Variants in PRICKLE2 observed in about 807,000 individuals in gnomAD.
The protein encoded by PRICKLE2 is prickle planar cell polarity protein 2.
In PRICKLE2, 21 loss-of-function variants were observed where a neutral mutation model predicts 81.4. The ratio of observed to expected loss-of-function variants is 0.26; its 90% CI spans 0.18 to 0.37. The LOEUF is 0.37. Ranked by LOEUF, PRICKLE2 falls within the 10% of genes least tolerant of loss-of-function variation. The probability of loss-of-function intolerance (pLI) is 1.00; values close to 1 mark genes in which losing one functional copy is unlikely to be tolerated. For missense variants in PRICKLE2, 940 were observed against 1,109.0 expected (o/e 0.85, Z 2.16); for synonymous variants, 456 against 421.5 (o/e 1.08, Z -1.00).
At chr3:64,190,462 C>G (rs1239904003) in intron 2 of PRICKLE2, 1 of 152,130 alleles carries the variant, frequency 6.6e-6, no homozygotes, top group Non-Finnish European at 1.5e-5. Context: ...TGTCTTTACT[C>G]TTCACATAAC....
intron 2 of PRICKLE2, among the ~76,000 whole-genome samples, chr3:64,171,280 A>AC (rs1456300705): frequency 6.6e-6 from 1 of 152,002 alleles, no homozygotes; most frequent in Non-Finnish European, 1.5e-5. Context: ...GGGCAATAAT[A>AC]CCCCCCAAGA....
intron 1 of PRICKLE2, among the ~76,000 whole-genome samples, chr3:64,210,715 G>A (rs1207596676): frequency 1.3e-5 from 2 of 152,318 alleles, no homozygotes; most frequent in South Asian, 2.1e-4. Context: ...TAACTTTTGA[G>A]CAGTGGAAAT....
At position 64,224,898 on chromosome 3, in the gene PRICKLE2, T is replaced by C. The variant is rs980627386; in HGVS notation, c.-41+12A>G. The stretch of plus-strand genomic sequence containing the variant: ...TGTTTAATTTGTGAATTAGAGCAAA[T>C]TTCTTACCCACCTCCAGGGAGGATG... On this transcript the variant is annotated intron_variant, in intron 1 of 7. Coordinates refer to ENST00000638394, the MANE Select transcript of PRICKLE2 (RefSeq NM_198859.4). 1 of 984,818 alleles carries C rather than the reference T, an allele frequency of 1.0e-6. No individual in the cohort carries two copies. The highest frequency in any genetic ancestry group is 1.8e-5 in the African/African-American group (1 of 57,114). 61.0% of individuals were successfully genotyped at this position (984,818 alleles called of 1,614,324 possible).
upstream of PRICKLE2, among the ~76,000 whole-genome samples, chr3:64,227,723 G>T (rs190884095): frequency 1.3e-5 from 2 of 152,256 alleles, no homozygotes; most frequent in East Asian, 3.9e-4. Context: ...GGGCCATTGG[G>T]AGAATCCAAT....
chr3:64,214,757 G>T (rs1302394778), intron 1 of PRICKLE2, among the ~76,000 whole-genome samples: 1 of 152,136 alleles, frequency 6.6e-6, no homozygotes, highest in Non-Finnish European at 1.5e-5. Flanking sequence ...ACAAGGTGCT[G>T]GTTGAAGGAT....
At chr3:64,220,600 G>A (rs1003080945) in intron 1 of PRICKLE2, among the ~76,000 whole-genome samples, 8 of 152,098 alleles carry the variant, frequency 5.3e-5, no homozygotes, top group African/African-American at 1.9e-4. Context: ...CAGGAAGAAG[G>A]GAGCTATCAG....
At chr3:64,209,006 C>G (rs1559580353) in intron 1 of PRICKLE2, among the ~76,000 whole-genome samples, 1 of 151,946 alleles carries the variant, frequency 6.6e-6, no homozygotes, top group East Asian at 1.9e-4. Context: ...TCATTCATAT[C>G]CATACATACA....
At chr3:64,101,337 T>C (rs1216480797) in intron 7 of PRICKLE2, 2 of 152,090 alleles carry the variant, frequency 1.3e-5, no homozygotes, top group Non-Finnish European at 2.9e-5. Context: ...TATATTGTGG[T>C]TTTTTCTACC....
At chr3:64,207,930 C>T (rs1421136223) in intron 1 of PRICKLE2, among the ~76,000 whole-genome samples, 10 of 151,678 alleles carry the variant, frequency 6.6e-5, no homozygotes, top group Admixed American at 3.3e-4. Context: ...GAAAGGCTGA[C>T]GCAGGAGGAG....
chr3:64,102,608 T>C (rs2076685259), intron 7 of PRICKLE2: 1 of 152,186 alleles, frequency 6.6e-6, no homozygotes, highest in East Asian at 1.9e-4. Flanking sequence ...TATATTACAA[T>C]GTAGTAATAA....
intron 1 of PRICKLE2, among the ~76,000 whole-genome samples, chr3:64,219,074 T>TG (rs1198958761): frequency 2.0e-5 from 3 of 152,110 alleles, no homozygotes; most frequent in Non-Finnish European, 4.4e-5. Flanking sequence ...CGCCATTCTC[T>TG]GGGGGGCTAC....
chr3:64,187,032 C>A (rs544574491), intron 2 of PRICKLE2, among the ~76,000 whole-genome samples: 1 of 152,338 alleles, frequency 6.6e-6, no homozygotes, highest in Admixed American at 6.5e-5. Context: ...AGCTAGAACT[C>A]CAATGGCAGG....
chr3:64,113,884 C>T (rs1367480142), intron 7 of PRICKLE2, among the ~76,000 whole-genome samples: 8 of 152,184 alleles, frequency 5.3e-5, no homozygotes, highest in Admixed American at 4.6e-4. Flanking sequence ...CACATAATCT[C>T]CAGCAGGGGC....
intron 4 of PRICKLE2, among the ~76,000 whole-genome samples, chr3:64,157,893 G>A (rs944652589): frequency 1.3e-5 from 2 of 152,200 alleles, no homozygotes; most frequent in Non-Finnish European, 2.9e-5. Context: ...CATGCTTTTA[G>A]TCTGCTTCCT....
intron 2 of PRICKLE2, among the ~76,000 whole-genome samples, chr3:64,175,703 T>C (rs965898183): frequency 2.6e-5 from 4 of 152,200 alleles, no homozygotes; most frequent in Admixed American, 6.5e-5. Flanking sequence ...AGGTATTGCA[T>C]TTTGAAATTA....
At chr3:64,242,367 A>G (rs191046040) in intron 2 of PRICKLE2, among the ~76,000 whole-genome samples, 2 of 152,266 alleles carry the variant, frequency 1.3e-5, no homozygotes, top group Non-Finnish European at 2.9e-5. Context: ...TCCATGAAGG[A>G]AATTCCTTCA....
chr3:64,252,305 C>T (rs545960557), intron 2 of PRICKLE2, among the ~76,000 whole-genome samples: 153 of 152,300 alleles, frequency 1.0e-3, no homozygotes, highest in African/African-American at 3.3e-3. Context: ...ACCAACTCTC[C>T]TTTCTCCCAG....
At chr3:64,224,525 C>T (rs1473651169) in intron 1 of PRICKLE2, among the ~76,000 whole-genome samples, 1 of 152,202 alleles carries the variant, frequency 6.6e-6, no homozygotes, top group East Asian at 1.9e-4. Flanking sequence ...CTCAGATCCC[C>T]TAATGGTTTC....
At chr3:64,239,888 G>A (rs1161025429) in intron 2 of PRICKLE2, among the ~76,000 whole-genome samples, 1 of 144,896 alleles carries the variant, frequency 6.9e-6, no homozygotes, top group Non-Finnish European at 1.5e-5. Context: ...GCCAAGGCAG[G>A]TAGATTGCTT....
Sources: allele counts gnomAD v4.1 joint callset (sites outside exome capture counted in the v4.1 genomes callset), GRCh38; gene constraint gnomAD v4.1.1; transcripts MANE v1.5; gene names NCBI Gene and HGNC (gene_info 2026-07-23, HGNC 2026-07-21).